CNTNAP2: variants seen among roughly 807,000 people sequenced by gnomAD.
The protein encoded by CNTNAP2 is contactin-associated protein-like 2.
CNTNAP2 carries 98 observed loss-of-function variants against 155.2 expected under a neutral mutation model. The ratio of observed to expected loss-of-function variants is 0.63; its 90% CI spans 0.54 to 0.75. CNTNAP2 has a LOEUF of 0.75. CNTNAP2 is among the 30% of genes least tolerant of loss of function. The pLI, the probability that CNTNAP2 is intolerant of heterozygous loss-of-function variation, is 0.00. For synonymous variants in CNTNAP2, 651 were observed against 631.2 expected (o/e 1.03, Z -0.47); for missense variants, 1,727 against 1,688.1 (o/e 1.02, Z -0.40).
intron 13 of CNTNAP2, among the ~76,000 whole-genome samples, chr7:147,863,112 G>T (rs1273329219): frequency 6.6e-6 from 1 of 152,050 alleles, no homozygotes; most frequent in Admixed American, 6.6e-5. Flanking sequence ...CCCAGTGTGT[G>T]ATGTTCCCTG....
chr7:146,447,553 T>C (rs1319412530), intron 1 of CNTNAP2, among the ~76,000 whole-genome samples: 1 of 152,034 alleles, frequency 6.6e-6, no homozygotes, highest in Non-Finnish European at 1.5e-5. Context: ...ATTATTTTCT[T>C]TGACATTACA....
chr7:146,796,321 A>T (rs1021516142), intron 2 of CNTNAP2, among the ~76,000 whole-genome samples: 1 of 152,164 alleles, frequency 6.6e-6, no homozygotes, highest in Admixed American at 6.5e-5. Context: ...AAGCAAGGAC[A>T]TGAGAACGAC....
chr7:147,400,124 G>C (rs1256699437), intron 10 of CNTNAP2, among the ~76,000 whole-genome samples: 1 of 152,078 alleles, frequency 6.6e-6, no homozygotes, highest in Non-Finnish European at 1.5e-5. Context: ...CCTCTTTCCA[G>C]GTGTGAAAAC....
At chr7:146,454,172 A>T (rs1796522217) in intron 1 of CNTNAP2, among the ~76,000 whole-genome samples, 1 of 152,206 alleles carries the variant, frequency 6.6e-6, no homozygotes, top group Non-Finnish European at 1.5e-5. Context: ...ACATACACAA[A>T]ATGGCTGCTT....
At chr7:147,760,848 C>T (rs550092976) in intron 13 of CNTNAP2, among the ~76,000 whole-genome samples, 6 of 152,228 alleles carry the variant, frequency 3.9e-5, no homozygotes, top group African/African-American at 1.4e-4. Flanking sequence ...ATGATTCTGA[C>T]CTCTTTATAA....
intron 21 of CNTNAP2, among the ~76,000 whole-genome samples, chr7:148,374,083 G>A (rs1176507582): frequency 1.3e-5 from 2 of 152,160 alleles, no homozygotes; most frequent in Admixed American, 6.5e-5. Context: ...CTCCCTCTCA[G>A]TTTCTTCGTG....
chr7:146,909,449 TC>T (rs1379002990), intron 3 of CNTNAP2, among the ~76,000 whole-genome samples: 79 of 53,544 alleles, frequency 1.5e-3, no homozygotes, highest in African/African-American at 5.9e-3. Flanking sequence ...AAAAAGCTTA[TC>T]CACCATGATC....
chr7:148,308,990 G>T (rs1360567906), intron 21 of CNTNAP2, among the ~76,000 whole-genome samples: 1 of 152,084 alleles, frequency 6.6e-6, no homozygotes, highest in South Asian at 2.1e-4. Context: ...TGGGCATTTG[G>T]GTTGGTTCCA....
intron 13 of CNTNAP2, among the ~76,000 whole-genome samples, chr7:147,736,819 A>C (rs189069069): frequency 1.1e-4 from 17 of 152,302 alleles, no homozygotes; most frequent in Non-Finnish European, 2.2e-4. Context: ...TGAATCGGCT[A>C]CTGAAGCTTG....
At chr7:148,044,105 G>A (rs2527051) in intron 15 of CNTNAP2, among the ~76,000 whole-genome samples, 114,757 of 152,108 alleles carry the variant, frequency 0.75, 44,220 homozygotes, top group African/African-American at 0.91. Flanking sequence ...GAGATAACAC[G>A]GTAAAAATGA....
chr7:147,702,648 G>A (rs892551403), intron 13 of CNTNAP2, among the ~76,000 whole-genome samples: 5 of 151,792 alleles, frequency 3.3e-5, no homozygotes, highest in African/African-American at 4.8e-5. Context: ...CAGAACTTCC[G>A]GAGGCTTGCA....
chr7:146,380,435 T>C (rs894773617), intron 1 of CNTNAP2, among the ~76,000 whole-genome samples: 10 of 152,182 alleles, frequency 6.6e-5, no homozygotes, highest in Non-Finnish European at 1.3e-4. Context: ...TGATGTCGTC[T>C]TTTTAGAAAA....
At chr7:146,726,370 A>G (rs1178460560) in intron 1 of CNTNAP2, among the ~76,000 whole-genome samples, 2 of 152,128 alleles carry the variant, frequency 1.3e-5, no homozygotes, top group African/African-American at 4.8e-5. Context: ...GGGGTAAATA[A>G]AATAAAATTG....
chr7:146,452,811 G>A (rs1413098270), intron 1 of CNTNAP2, among the ~76,000 whole-genome samples: 1 of 152,182 alleles, frequency 6.6e-6, no homozygotes, highest in African/African-American at 2.4e-5. Flanking sequence ...TGGAGTAGCA[G>A]GGACCAAATT....
intron 15 of CNTNAP2, among the ~76,000 whole-genome samples, chr7:148,080,528 C>A (rs1035388600): frequency 6.7e-6 from 1 of 149,518 alleles, no homozygotes; most frequent in African/African-American, 2.5e-5. Context: ...TGGCATAAAC[C>A]TGGGAGACAG....
chr7:146,741,098 G>A (rs1395662001), intron 1 of CNTNAP2, among the ~76,000 whole-genome samples: 1 of 152,074 alleles, frequency 6.6e-6, no homozygotes, highest in Non-Finnish European at 1.5e-5. Context: ...CTAGTGGATG[G>A]CATCTCTTTC....
intron 1 of CNTNAP2, among the ~76,000 whole-genome samples, chr7:146,623,162 C>G (rs1399984038): frequency 6.6e-6 from 1 of 151,950 alleles, no homozygotes; most frequent in African/African-American, 2.4e-5. Flanking sequence ...TCCAAAGTTG[C>G]CTAGGTTAGC....
At chr7:147,350,137 T>C (rs1345281954) in intron 9 of CNTNAP2, among the ~76,000 whole-genome samples, 1 of 151,872 alleles carries the variant, frequency 6.6e-6, no homozygotes, top group Non-Finnish European at 1.5e-5. Context: ...AGAGGTGTTA[T>C]AGAAATAACT....
Position 148,383,642 on chromosome 7 carries a change from C to T in CNTNAP2, c.3476-7C>T, listed in dbSNP as rs1057520468. The stretch of plus-strand genomic sequence containing the variant: ...AAGTAACATTTTCATTTCTTTTTTT[C>T]TTTTAGAAACAGGGAAAATTGACCA... On this transcript the variant is annotated splice_polypyrimidine_tract_variant and splice_region_variant and intron_variant, in intron 21 of 23. Transcript: ENST00000361727. 8.1e-6 allele frequency: 13 copies of T among 1,613,816 alleles called. No individual in the cohort carries two copies. In the Admixed American group the frequency reaches 2.2e-4, roughly 27 times the overall value.
Sources: allele counts gnomAD v4.1 joint callset (sites outside exome capture counted in the v4.1 genomes callset), GRCh38; gene constraint gnomAD v4.1.1; transcripts MANE v1.5; gene names NCBI Gene and HGNC (gene_info 2026-07-23, HGNC 2026-07-21).